SNTG1: variants seen among roughly 807,000 people sequenced by gnomAD.
SNTG1 encodes gamma-1-syntrophin.
A neutral mutation model predicts 74.7 loss-of-function variants in SNTG1; 39 were observed. The ratio of observed to expected loss-of-function variants is 0.52; its 90% CI spans 0.40 to 0.68. SNTG1 has a LOEUF of 0.68. Among genes scored for constraint, SNTG1 ranks in the 30% least tolerant of loss-of-function variants. The pLI is 0.00. For missense variants in SNTG1, 685 were observed against 609.5 expected (o/e 1.12, Z -1.30); for synonymous variants, 254 against 217.1 (o/e 1.17, Z -1.49).
At chr8:50,056,949 T>C (rs896325014) in intron 1 of SNTG1, among the ~76,000 whole-genome samples, 5 of 152,194 alleles carry the variant, frequency 3.3e-5, no homozygotes, top group African/African-American at 1.2e-4. Flanking sequence ...TGTAACCATG[T>C]CATCTACCCT....
chr8:50,755,760 G>GTAAC (rs1563810641), intron 18 of SNTG1, among the ~76,000 whole-genome samples: 2 of 151,830 alleles, frequency 1.3e-5, no homozygotes, highest in African/African-American at 4.8e-5. Flanking sequence ...AATCTCACCA[G>GTAAC]TAACTGTTGT....
At chr8:50,347,119 A>G (rs1050893798) in intron 2 of SNTG1, among the ~76,000 whole-genome samples, 2 of 152,244 alleles carry the variant, frequency 1.3e-5, no homozygotes, top group African/African-American at 2.4e-5. Context: ...ACTTTCTCAA[A>G]TAGAGAGGAG....
At chr8:50,175,558 T>A (rs567672293) in intron 2 of SNTG1, among the ~76,000 whole-genome samples, 3 of 152,188 alleles carry the variant, frequency 2.0e-5, no homozygotes. Flanking sequence ...GGGTCATTTA[T>A]TCCCTTCTTA....
intron 8 of SNTG1, among the ~76,000 whole-genome samples, chr8:50,461,600 ACTAT>A: frequency 6.6e-6 from 1 of 152,186 alleles, no homozygotes; most frequent in Non-Finnish European, 1.5e-5. Flanking sequence ...GTAATCCAAT[ACTAT>A]CTTATATATT....
intron 17 of SNTG1, among the ~76,000 whole-genome samples, chr8:50,715,699 C>A (rs1349837835): frequency 6.6e-6 from 1 of 151,844 alleles, no homozygotes; most frequent in Non-Finnish European, 1.5e-5. Flanking sequence ...TTGTTAAAAC[C>A]CACTCACATG....
intron 2 of SNTG1, among the ~76,000 whole-genome samples, chr8:50,371,659 T>C (rs2092271564): frequency 6.6e-6 from 1 of 152,250 alleles, no homozygotes; most frequent in Non-Finnish European, 1.5e-5. Context: ...ATTGTGTTAA[T>C]ATCTATTTCT....
At chr8:50,408,369 T>C (rs2092906336) in intron 4 of SNTG1, among the ~76,000 whole-genome samples, 1 of 152,156 alleles carries the variant, frequency 6.6e-6, no homozygotes, top group African/African-American at 2.4e-5. Context: ...CAAAGGTAGT[T>C]AGCTTGTGAG....
At chr8:50,510,301 G>A (rs1260888865) in intron 9 of SNTG1, among the ~76,000 whole-genome samples, 2 of 152,292 alleles carry the variant, frequency 1.3e-5, no homozygotes, top group East Asian at 3.9e-4. Context: ...TTGATGTGCT[G>A]CTGGATTTGG....
At chr8:50,504,915 T>C (rs191484051) in intron 9 of SNTG1, among the ~76,000 whole-genome samples, 4 of 152,338 alleles carry the variant, frequency 2.6e-5, no homozygotes, top group Non-Finnish European at 5.9e-5. Flanking sequence ...TAAGTCTATG[T>C]ACATTATTGC....
rs1302159448 is a variant in SNTG1 at position 50,176,771 on chromosome 8, G to C, written c.-28+4136G>C. On this transcript the variant is annotated intron_variant, in intron 2 of 18. Coordinates refer to ENST00000642720, the MANE Select transcript of SNTG1 (RefSeq NM_018967.5). ...GGGAACATTTCTGTAGCTCCATTTT[G>C]TTCATTTCAAAGACTCTCTTAGTTG... 2.0e-5 allele frequency among the ~76,000 whole-genome samples: 3 copies of C among 152,164 alleles called. No individual in the cohort carries two copies. In the East Asian group the frequency reaches 5.8e-4, roughly 29 times the overall value.
intron 2 of SNTG1, among the ~76,000 whole-genome samples, chr8:50,187,679 G>T (rs753682381): frequency 1.8e-4 from 27 of 152,076 alleles, no homozygotes; most frequent in Non-Finnish European, 3.4e-4. Flanking sequence ...CATTTCTTTT[G>T]CTCTGAGATG....
chr8:50,404,886 G>A (rs1010449655), intron 4 of SNTG1, among the ~76,000 whole-genome samples: 3 of 151,938 alleles, frequency 2.0e-5, no homozygotes, highest in African/African-American at 7.2e-5. Context: ...GGTAGATCTT[G>A]TAGGTGGAAT....
intron 2 of SNTG1, among the ~76,000 whole-genome samples, chr8:50,248,497 C>T (rs1261672774): frequency 6.6e-6 from 1 of 152,154 alleles, no homozygotes; most frequent in African/African-American, 2.4e-5. Flanking sequence ...AATCTCTCTG[C>T]ATACCACTTT....
chr8:50,387,319 A>G (rs2131270350), intron 2 of SNTG1, among the ~76,000 whole-genome samples: 1 of 152,218 alleles, frequency 6.6e-6, no homozygotes, highest in South Asian at 2.1e-4. Context: ...GCCACCACAC[A>G]AATTTCTTCC....
intron 2 of SNTG1, among the ~76,000 whole-genome samples, chr8:50,319,071 T>C (rs535113648): frequency 1.4e-4 from 22 of 152,186 alleles, no homozygotes; most frequent in African/African-American, 5.1e-4. Context: ...TATATATACA[T>C]ATAATGTATT....
chr8:50,478,334 A>C (rs2093712783), intron 8 of SNTG1, among the ~76,000 whole-genome samples: 1 of 152,176 alleles, frequency 6.6e-6, no homozygotes, highest in Admixed American at 6.5e-5. Context: ...CTTTAGGATT[A>C]ATCTTGTATT....
chr8:50,088,552 CAA>C (rs1563575132), intron 1 of SNTG1, among the ~76,000 whole-genome samples: 1 of 134,658 alleles, frequency 7.4e-6, no homozygotes, highest in Non-Finnish European at 1.7e-5. Context: ...GCAACTTCAG[CAA>C]AGTCTCAGGA....
At chr8:50,274,595 A>C (rs2087987680) in intron 2 of SNTG1, among the ~76,000 whole-genome samples, 1 of 152,186 alleles carries the variant, frequency 6.6e-6, no homozygotes, top group African/African-American at 2.4e-5. Context: ...GGCTAATAGC[A>C]GTGGGGAGAG....
chr8:50,202,734 T>G (rs924866604), intron 2 of SNTG1, among the ~76,000 whole-genome samples: 4 of 151,934 alleles, frequency 2.6e-5, no homozygotes, highest in African/African-American at 4.8e-5. Flanking sequence ...CTTTTTCTTC[T>G]AAAGGTAAGC....
Sources: gnomAD v4.1 joint callset for allele counts (sites outside exome capture counted in the v4.1 genomes callset) on GRCh38, gnomAD v4.1.1 for gene constraint, MANE v1.5 for transcripts, NCBI Gene and HGNC (gene_info 2026-07-23, HGNC 2026-07-21) for gene names.